DOCK2: variants seen among roughly 807,000 people sequenced by gnomAD.
The protein encoded by DOCK2 is dedicator of cytokinesis 2.
In DOCK2, 87 loss-of-function variants were observed where a neutral mutation model predicts 248.9. That is an observed-to-expected ratio of 0.35 (90% CI 0.29 to 0.42). The LOEUF is 0.42. DOCK2 is among the 10% of genes least tolerant of loss of function. The pLI is 1.00. For synonymous variants in DOCK2, 805 were observed against 821.6 expected (o/e 0.98, Z 0.35); for missense variants, 1,747 against 2,300.2 (o/e 0.76, Z 4.92).
chr5:169,808,926 T>C (rs1767571672), intron 26 of DOCK2, among the ~76,000 whole-genome samples: 1 of 151,936 alleles, frequency 6.6e-6, no homozygotes, highest in African/African-American at 2.4e-5. Flanking sequence ...AGTATTTGAG[T>C]CTATTGGCTA....
At chr5:169,845,240 G>A (rs1272812977) in intron 27 of DOCK2, among the ~76,000 whole-genome samples, 1 of 150,202 alleles carries the variant, frequency 6.7e-6, no homozygotes, top group Admixed American at 6.7e-5. Context: ...GCTGCTTTTG[G>A]CCCACCTGTC....
In DOCK2 at chr5:169,716,234, G is replaced by A. The variant is rs1440586284; in HGVS notation, c.1963G>A (p.Ala655Thr). 2.5e-6 allele frequency: 4 copies of A among 1,613,688 alleles called. No homozygotes were observed. The highest frequency in any genetic ancestry group is 3.4e-6 in the Non-Finnish European group (4 of 1,179,700). ...CCAGTTTCTCCAGGATACTCTGGAT[G>A]CCCTCTTCAACATCATGATGGAGCA... Reference protein sequence around the residue: ...VVKFLQDTLDALFNIMMEHSQ... With the variant: ...VVKFLQDTLDTLFNIMMEHSQ... The change falls in exon 20 of 52, where the codon GCC (alanine) becomes ACC (threonine). Residue 655 changes from alanine to threonine, a missense_variant. By Grantham distance (58) the Ala-to-Thr change is moderately conservative. Transcript: ENST00000520908.
At chr5:169,864,548 G>T (rs185539634) in intron 27 of DOCK2, 2 of 1,065,260 alleles carry the variant, frequency 1.9e-6, no homozygotes, top group African/African-American at 1.6e-5. Flanking sequence ...ATATGGAAGA[G>T]CATGAGCTTT....
intron 25 of DOCK2, among the ~76,000 whole-genome samples, chr5:169,775,998 T>G (rs1181540219): frequency 6.6e-6 from 1 of 151,906 alleles, no homozygotes; most frequent in African/African-American, 2.4e-5. Context: ...TTATTCTTTA[T>G]GTAAGTTAGG....
chr5:169,714,033 C>T lies in DOCK2; in HGVS notation c.1665C>T (p.Asp555=). The T allele has an allele frequency of 1.3e-6, 2 of 1,594,496 alleles. No homozygotes were observed. Among genetic ancestry groups the T allele is most frequent in the African/African-American group, 1.3e-5 (1 of 74,716 alleles). ...GFHDLVVLKG[D]SKKMEDASAY... is the part of the protein sequence containing the mutation. ...TAACCAAGTGTTGTTTCCAGGGGGA[C>T]AGCAAGAAGATGGAGGATGCCAGCG... The change falls in exon 18 of 52, where the codon GAC becomes GAT. Residue 555 remains aspartate, a synonymous_variant. Transcript: ENST00000520908.
At chr5:169,810,981 T>TCACACACACA (rs1246188439) in intron 26 of DOCK2, among the ~76,000 whole-genome samples, 275 of 142,100 alleles carry the variant, frequency 1.9e-3, no homozygotes, top group African/African-American at 7.4e-3. Flanking sequence ...ACTCTCTCTC[T>TCACACACACA]CTCTCTCTCA....
At chr5:169,686,218 G>A (rs780356614) in intron 8 of DOCK2, among the ~76,000 whole-genome samples, 2 of 152,210 alleles carry the variant, frequency 1.3e-5, no homozygotes, top group African/African-American at 2.4e-5. Flanking sequence ...AAGCAACCGA[G>A]AGGAAACAGT....
chr5:169,727,552 C>T (rs181431220), intron 22 of DOCK2, among the ~76,000 whole-genome samples: 27 of 152,300 alleles, frequency 1.8e-4, no homozygotes, highest in Admixed American at 3.3e-4. Flanking sequence ...AGCAGCTTGA[C>T]GTCATCCTGT....
At chr5:169,818,365 A>G (rs757783851) in intron 26 of DOCK2, among the ~76,000 whole-genome samples, 2 of 152,204 alleles carry the variant, frequency 1.3e-5, no homozygotes, top group African/African-American at 2.4e-5. Context: ...TGAGCAGTCA[A>G]TAAGTATTTG....
intron 22 of DOCK2, among the ~76,000 whole-genome samples, chr5:169,720,065 A>G (rs1762109383): frequency 6.6e-6 from 1 of 152,246 alleles, no homozygotes; most frequent in African/African-American, 2.4e-5. Flanking sequence ...TATGAATAGA[A>G]AGATGTGAGT....
Position 170,008,508 on chromosome 5 carries a change from C to G in DOCK2, c.3084C>G (p.Asn1028Lys). ...TCTTTCATTTACAGCTGTGGAACAA[C>G]TATTTTCATCTGGCAGTGGCTTTTA... ...HTNFEFQLWN[N>K]YFHLAVAFIT... is the part of the protein sequence containing the mutation. The change falls in exon 31 of 52, where the codon AAC becomes AAG. Residue 1028 changes from asparagine (N) to lysine (K), a missense_variant. Transcript: ENST00000520908. 1 of 1,614,120 alleles carries G rather than the reference C, an allele frequency of 6.2e-7. No individual in the cohort carries two copies. Among genetic ancestry groups the G allele is most frequent in the Non-Finnish European group, 8.5e-7 (1 of 1,179,960 alleles).
At chr5:169,984,688 C>T (rs1463013314) in intron 28 of DOCK2, among the ~76,000 whole-genome samples, 1 of 152,194 alleles carries the variant, frequency 6.6e-6, no homozygotes, top group Non-Finnish European at 1.5e-5. Context: ...TCCACCAGAG[C>T]TGTTCTACCT....
chr5:169,821,084 A>T (rs2113235168), intron 26 of DOCK2, among the ~76,000 whole-genome samples: 1 of 152,344 alleles, frequency 6.6e-6, no homozygotes, highest in African/African-American at 2.4e-5. Flanking sequence ...GAATAAAAAG[A>T]AACAAACAAA....
chr5:169,964,255 A>G (rs1359535795), intron 27 of DOCK2, among the ~76,000 whole-genome samples: 2 of 152,176 alleles, frequency 1.3e-5, no homozygotes, highest in East Asian at 3.8e-4. Flanking sequence ...CCTGGAGTTC[A>G]GGACTTCTGG....
chr5:169,981,966 T>C (rs1777950314), intron 27 of DOCK2, among the ~76,000 whole-genome samples: 1 of 152,188 alleles, frequency 6.6e-6, no homozygotes, highest in South Asian at 2.1e-4. Flanking sequence ...ACCAAACCCA[T>C]AATATCTTCA....
intron 25 of DOCK2, among the ~76,000 whole-genome samples, chr5:169,794,230 G>A (rs1426637016): frequency 6.6e-6 from 1 of 152,060 alleles, no homozygotes; most frequent in East Asian, 1.9e-4. Context: ...TCATAGGATT[G>A]AGTTCAAAAG....
intron 27 of DOCK2, among the ~76,000 whole-genome samples, chr5:169,896,797 G>A (rs920615280): frequency 6.6e-6 from 1 of 152,162 alleles, no homozygotes; most frequent in African/African-American, 2.4e-5. Context: ...TGTGGGAGTC[G>A]ATTGATAATG....
At chr5:169,664,624 G>A (rs536476251) in intron 2 of DOCK2, among the ~76,000 whole-genome samples, 143 of 152,306 alleles carry the variant, frequency 9.4e-4, no homozygotes, top group Middle Eastern at 3.4e-3. Context: ...GGGGAAGCAG[G>A]CACATCTTAC....
At chr5:169,749,652 G>C (rs1763798396) in intron 23 of DOCK2, among the ~76,000 whole-genome samples, 1 of 152,166 alleles carries the variant, frequency 6.6e-6, no homozygotes, top group Non-Finnish European at 1.5e-5. Context: ...ATTCATATCT[G>C]TTCCTGCCTG....
Sources: gnomAD v4.1 joint callset for allele counts (sites outside exome capture counted in the v4.1 genomes callset) on GRCh38, gnomAD v4.1.1 for gene constraint, MANE v1.5 for transcripts, NCBI Gene and HGNC (gene_info 2026-07-23, HGNC 2026-07-21) for gene names.